Variants in STPG2 observed in about 807,000 individuals in gnomAD.
The protein encoded by STPG2 is sperm-tail PG-rich repeat-containing protein 2.
A neutral mutation model predicts 54.2 loss-of-function variants in STPG2; 56 were observed. The observed-to-expected ratio is 1.03, with a 90% CI of 0.83 to 1.29. The LOEUF is 1.29. Ranked by LOEUF, STPG2 falls within the 50% of genes most tolerant of loss-of-function variation. STPG2 has a pLI of 0.00. For missense variants in STPG2, 596 were observed against 544.9 expected (o/e 1.09, Z -0.93); for synonymous variants, 200 against 181.8 (o/e 1.10, Z -0.81).
intron 4 of STPG2, among the ~76,000 whole-genome samples, chr4:97,459,671 G>C (rs943692970): frequency 6.6e-6 from 1 of 152,010 alleles, no homozygotes; most frequent in African/African-American, 2.4e-5. Context: ...TCGATCTCCT[G>C]ACCTCGTGAT....
Position 97,542,038 on chromosome 4 carries a change from T to C in STPG2, c.462+170661A>G, listed in dbSNP as rs529272372. Among the ~76,000 whole-genome samples the C allele has an allele frequency of 2.6e-4, 40 of 152,274 alleles. 1 individual carries two copies. The East Asian group carries it at 3.3e-3, about 13-fold the overall frequency. ...AAACCCTAGAAGAAAATCTAGGCAA[T>C]ACCATTCAGGACATAGGCATAGGCA... On this transcript the variant is annotated intron_variant, in intron 4 of 4. Coordinates refer to the STPG2 transcript ENST00000522676.
At chr4:97,902,433 A>G (rs1463794692) in intron 8 of STPG2, among the ~76,000 whole-genome samples, 1 of 152,180 alleles carries the variant, frequency 6.6e-6, no homozygotes, top group Non-Finnish European at 1.5e-5. Context: ...AAAACATACA[A>G]AGAACTCATA....
At chr4:98,093,816 A>T (rs947692656) in intron 5 of STPG2, among the ~76,000 whole-genome samples, 1 of 152,184 alleles carries the variant, frequency 6.6e-6, no homozygotes, top group Non-Finnish European at 1.5e-5. Flanking sequence ...GAATAAAGCC[A>T]TGCTGAGCTC....
intron 5 of STPG2, among the ~76,000 whole-genome samples, chr4:98,065,153 C>T (rs1338723393): frequency 6.6e-6 from 1 of 151,942 alleles, no homozygotes; most frequent in African/African-American, 2.4e-5. Context: ...AAGGCATTCC[C>T]ATAAAAAAGA....
At chr4:98,023,835 T>C (rs1242104791) in intron 5 of STPG2, among the ~76,000 whole-genome samples, 2 of 152,172 alleles carry the variant, frequency 1.3e-5, no homozygotes, top group African/African-American at 2.4e-5. Flanking sequence ...CTCCGAGCCA[T>C]GTGCAGGATA....
intron 8 of STPG2, among the ~76,000 whole-genome samples, chr4:97,860,730 G>C (rs1175469927): frequency 1.3e-5 from 2 of 152,010 alleles, no homozygotes; most frequent in African/African-American, 4.8e-5. Flanking sequence ...CAAACAGATA[G>C]TTTAACCTCC....
chr4:97,773,570 C>G (rs939605017), intron 9 of STPG2, among the ~76,000 whole-genome samples: 2 of 152,048 alleles, frequency 1.3e-5, no homozygotes, highest in African/African-American at 4.8e-5. Flanking sequence ...CCTCAGCCTT[C>G]CAAAGTGTTG....
intron 10 of STPG2, among the ~76,000 whole-genome samples, chr4:97,675,008 T>C (rs1306691854): frequency 6.6e-6 from 1 of 152,048 alleles, no homozygotes; most frequent in African/African-American, 2.4e-5. Flanking sequence ...AAGTATACAT[T>C]CTCTTTTTTT....
intron 10 of STPG2, among the ~76,000 whole-genome samples, chr4:97,635,364 T>C (rs926269882): frequency 5.3e-5 from 8 of 152,162 alleles, no homozygotes; most frequent in Non-Finnish European, 1.2e-4. Flanking sequence ...AAGGAACAAC[T>C]GGTACTAGCT....
downstream of STPG2, among the ~76,000 whole-genome samples, chr4:97,555,877 A>G (rs2148870339): frequency 6.6e-6 from 1 of 152,240 alleles, no homozygotes; most frequent in Non-Finnish European, 1.5e-5. Flanking sequence ...TGAGTAAGTC[A>G]TTCTTATCTG....
chr4:98,140,798 A>T (rs1398334434), intron 1 of STPG2, among the ~76,000 whole-genome samples: 1 of 152,192 alleles, frequency 6.6e-6, no homozygotes, highest in East Asian at 1.9e-4. Context: ...ACTCAAGGAC[A>T]TCAACAGCAA....
intron 7 of STPG2, among the ~76,000 whole-genome samples, chr4:97,945,504 T>A (rs527569546): frequency 6.6e-6 from 1 of 152,284 alleles, no homozygotes; most frequent in Admixed American, 6.5e-5. Context: ...AATTGTGAAT[T>A]TGGCTACAAT....
chr4:97,912,630 G>A (rs766715433), intron 8 of STPG2, among the ~76,000 whole-genome samples: 1 of 152,060 alleles, frequency 6.6e-6, no homozygotes, highest in Non-Finnish European at 1.5e-5. Flanking sequence ...AAAAGAATGA[G>A]AAGGAATGAA....
At chr4:98,103,914 C>A (rs1208068224) in intron 5 of STPG2, among the ~76,000 whole-genome samples, 2 of 152,104 alleles carry the variant, frequency 1.3e-5, no homozygotes, top group Admixed American at 1.3e-4. Flanking sequence ...AAATCAGTAT[C>A]TCTACCCATA....
In STPG2 at chr4:98,108,860, T is replaced by C. The variant is rs982637431; in HGVS notation, c.500+333A>G. ...AGTAGATAGCACAAGATTTGGCTTATAAAAAAACAATTAACTTGGGGGGAT... is the reference window on the plus strand; with the variant it reads ...AGTAGATAGCACAAGATTTGGCTTACAAAAAAACAATTAACTTGGGGGGAT... On this transcript the variant is annotated intron_variant, in intron 4 of 10. Coordinates refer to ENST00000295268, the MANE Select transcript of STPG2 (RefSeq NM_174952.3). 2.6e-5 allele frequency among the ~76,000 whole-genome samples: 4 copies of C among 151,576 alleles called. No individual in the cohort carries two copies. In the South Asian group the frequency reaches 6.3e-4, roughly 24 times the overall value.
chr4:97,906,182 A>G, intron 8 of STPG2, among the ~76,000 whole-genome samples: 1 of 152,188 alleles, frequency 6.6e-6, no homozygotes, highest in Non-Finnish European at 1.5e-5. Context: ...GATAAAGGGG[A>G]TATCACCACC....
chr4:97,654,450 T>G (rs1342116148), intron 10 of STPG2, among the ~76,000 whole-genome samples: 1 of 152,062 alleles, frequency 6.6e-6, no homozygotes, highest in African/African-American at 2.4e-5. Context: ...AGGTTTGATA[T>G]GCATCAATCC....
intron 1 of STPG2, among the ~76,000 whole-genome samples, chr4:98,138,599 C>T (rs1740199000): frequency 6.6e-6 from 1 of 152,056 alleles, no homozygotes; most frequent in Non-Finnish European, 1.5e-5. Flanking sequence ...GAAATATGTA[C>T]TCATCTTCAG....
intron 9 of STPG2, among the ~76,000 whole-genome samples, chr4:97,782,664 A>G (rs901665830): frequency 1.3e-5 from 2 of 152,208 alleles, no homozygotes; most frequent in African/African-American, 2.4e-5. Flanking sequence ...GCATCATGCT[A>G]CCTGACTTCA....
Sources: gnomAD v4.1 joint callset for allele counts (sites outside exome capture counted in the v4.1 genomes callset) on GRCh38, gnomAD v4.1.1 for gene constraint, MANE v1.5 for transcripts, NCBI Gene and HGNC (gene_info 2026-07-23, HGNC 2026-07-21) for gene names.